RIMS2: variants seen among roughly 807,000 people sequenced by gnomAD.
RIMS2 encodes the protein regulating synaptic membrane exocytosis protein 2.
RIMS2 carries 59 observed loss-of-function variants against 174.4 expected under a neutral mutation model. The observed-to-expected ratio is 0.34, with a 90% CI of 0.27 to 0.42. The LOEUF (loss-of-function observed/expected upper bound fraction) is 0.42. RIMS2 is among the 10% of genes least tolerant of loss of function. The pLI, the probability that RIMS2 is intolerant of heterozygous loss-of-function variation, is 1.00. For missense variants in RIMS2, 1,620 were observed against 1,666.3 expected (o/e 0.97, Z 0.48); for synonymous variants, 606 against 572.5 (o/e 1.06, Z -0.84).
intron 19 of RIMS2, among the ~76,000 whole-genome samples, chr8:104,055,577 A>AT (rs1221834497): frequency 2.6e-5 from 4 of 152,094 alleles, no homozygotes; most frequent in African/African-American, 9.7e-5. Flanking sequence ...CTCTGAGGGA[A>AT]TTTTCATTTT....
At chr8:104,188,220 CAGATAGATAGATAGAT>C (rs71576001) in intron 19 of RIMS2, among the ~76,000 whole-genome samples, 1 of 87,060 alleles carries the variant, frequency 1.1e-5, no homozygotes, top group Non-Finnish European at 2.4e-5. Context: ...ATGGTTTGTT[CAGATAGATAGATAGAT>C]AGATAGATAG....
chr8:104,243,628 G>A (rs1222733311), intron 19 of RIMS2, among the ~76,000 whole-genome samples: 1 of 152,156 alleles, frequency 6.6e-6, no homozygotes, highest in African/African-American at 2.4e-5. Context: ...GGAGGTTGCA[G>A]TGAGCAGAGA....
At chr8:103,941,962 A>C (rs921939622) in intron 13 of RIMS2, among the ~76,000 whole-genome samples, 2 of 152,226 alleles carry the variant, frequency 1.3e-5, no homozygotes, top group African/African-American at 4.8e-5. Flanking sequence ...CACGGTTCTT[A>C]ATACACAGTA....
chr8:103,976,458 A>G (rs912855808), intron 16 of RIMS2: 2 of 152,194 alleles, frequency 1.3e-5, no homozygotes, highest in Admixed American at 6.5e-5. Flanking sequence ...TCGGTAATTT[A>G]ATATATAGGA....
intron 2 of RIMS2, among the ~76,000 whole-genome samples, chr8:103,721,981 GAGGGTGACGGT>G (rs2097455367): frequency 6.6e-6 from 1 of 152,184 alleles, no homozygotes; most frequent in African/African-American, 2.4e-5. Flanking sequence ...GTGAGGGTCA[GAGGGTGACGGT>G]AGGGAAGGCA....
At chr8:103,620,415 G>T (rs114171419) in intron 1 of RIMS2, among the ~76,000 whole-genome samples, 1 of 150,708 alleles carries the variant, frequency 6.6e-6, no homozygotes, top group Non-Finnish European at 1.5e-5. Flanking sequence ...AATGTTGACC[G>T]CATCATTTAA....
chr8:104,109,495 T>A lies in RIMS2; in HGVS notation c.3334+94880T>A, dbSNP rs759472719. 2.5e-4 allele frequency among the ~76,000 whole-genome samples: 37 copies of A among 150,002 alleles called. 1 individual carries two copies. The highest frequency in any genetic ancestry group is 8.8e-5 in the Non-Finnish European group (6 of 67,972). On this transcript the variant is annotated intron_variant, in intron 19 of 23. Transcript: ENST00000504942. ...CACATACTGGGGATAATAATAGTAA[T>A]TTTTTTAGAGGGTTGTCATGAGAAC...
chr8:103,764,672 A>G (rs562568771), intron 2 of RIMS2, among the ~76,000 whole-genome samples: 44 of 152,180 alleles, frequency 2.9e-4, no homozygotes, highest in Non-Finnish European at 3.5e-4. Context: ...AAATACATAC[A>G]TATATTGATA....
At chr8:103,632,482 G>A (rs2095953848) in intron 1 of RIMS2, among the ~76,000 whole-genome samples, 1 of 152,150 alleles carries the variant, frequency 6.6e-6, no homozygotes, top group South Asian at 2.1e-4. Flanking sequence ...GTGAGGTGGT[G>A]TGATCTCGGC....
intron 19 of RIMS2, among the ~76,000 whole-genome samples, chr8:104,222,372 A>ACATATATACTATCT (rs1415915320): frequency 6.6e-6 from 1 of 152,226 alleles, no homozygotes; most frequent in African/African-American, 2.4e-5. Flanking sequence ...AGTAACTTGT[A>ACATATATACTATCT]CATATATACT....
chr8:103,944,243 G>A (rs907255095), intron 14 of RIMS2, among the ~76,000 whole-genome samples: 2 of 152,004 alleles, frequency 1.3e-5, no homozygotes, highest in African/African-American at 4.8e-5. Context: ...ATTTTCAAAT[G>A]TCATTACGAC....
At position 103,926,757 on chromosome 8, in the gene RIMS2, A is replaced by G. The variant is rs547477907; in HGVS notation, c.2197-1085A>G. Among the ~76,000 whole-genome samples the G allele has an allele frequency of 4.0e-5, 6 of 151,570 alleles. No homozygotes were observed. The Middle Eastern group carries it at 0.014, about 344-fold the overall frequency. On this transcript the variant is annotated intron_variant, in intron 10 of 23. Transcript: ENST00000504942. ...TAGAAGCAGAATTAAATGCCTTGAA[A>G]TCCATTCCCAAACCTGATTATGTTC...
chr8:104,002,058 A>C (rs1404204911), intron 17 of RIMS2, among the ~76,000 whole-genome samples: 1 of 152,044 alleles, frequency 6.6e-6, no homozygotes, highest in Non-Finnish European at 1.5e-5. Flanking sequence ...AGCAAGCTTT[A>C]CCTCCAATTC....
intron 1 of RIMS2, among the ~76,000 whole-genome samples, chr8:103,666,794 C>A (rs926478416): frequency 6.6e-6 from 1 of 152,038 alleles, no homozygotes; most frequent in South Asian, 2.1e-4. Flanking sequence ...CAGGTTTTTA[C>A]GTAGGTGAGA....
intron 1 of RIMS2, among the ~76,000 whole-genome samples, chr8:103,531,033 A>G (rs1315502552): frequency 1.3e-5 from 2 of 150,838 alleles, no homozygotes; most frequent in African/African-American, 4.9e-5. Flanking sequence ...TATAATGAGA[A>G]ACGTTAACAC....
At chr8:103,697,165 A>C (rs1217048849) in exon 2 of RIMS2, 28 of 1,613,628 alleles carry the variant, frequency 1.7e-5, no homozygotes, top group Non-Finnish European at 2.4e-5. Flanking sequence ...GCAAGAACAG[A>C]AGGGTGATGC....
chr8:103,756,446 T>TTTG (rs545060059), intron 2 of RIMS2, among the ~76,000 whole-genome samples: 21,541 of 145,304 alleles, frequency 0.15, 1,610 homozygotes, highest in Middle Eastern at 0.24. Flanking sequence ...CTTTTTTTTT[T>TTTG]TCTTTCTTAA....
chr8:104,205,689 C>T (rs1196500432), intron 19 of RIMS2, among the ~76,000 whole-genome samples: 3 of 152,026 alleles, frequency 2.0e-5, no homozygotes, highest in African/African-American at 7.2e-5. Context: ...ATCAAAGTCT[C>T]TGCAGCAGAA....
intron 3 of RIMS2, among the ~76,000 whole-genome samples, chr8:103,882,071 C>G (rs1464516839): frequency 6.6e-6 from 1 of 151,382 alleles, no homozygotes; most frequent in African/African-American, 2.4e-5. Context: ...ACGAATCGTT[C>G]CTTTTCCTTT....
Sources: allele counts gnomAD v4.1 joint callset (sites outside exome capture counted in the v4.1 genomes callset), GRCh38; gene constraint gnomAD v4.1.1; transcripts MANE v1.5; gene names NCBI Gene and HGNC (gene_info 2026-07-23, HGNC 2026-07-21).